The following NUP58 variants were observed in gnomAD, a reference collection of about 807,000 sequenced individuals.
NUP58 encodes the protein nucleoporin 58.
A neutral mutation model predicts 70.1 loss-of-function variants in NUP58; 17 were observed. The observed-to-expected ratio is 0.24, with a 90% CI of 0.17 to 0.36. The LOEUF (loss-of-function observed/expected upper bound fraction) is 0.36, where lower values mean the gene tolerates loss of function less well. Ranked by LOEUF, NUP58 falls within the 10% of genes least tolerant of loss-of-function variation. The probability of loss-of-function intolerance (pLI) is 1.00; values close to 1 mark genes in which losing one functional copy is unlikely to be tolerated. For missense variants in NUP58, 644 were observed against 701.5 expected, an observed-to-expected ratio of 0.92 and a Z score of 0.93; for synonymous variants, 275 against 257.6, an observed-to-expected ratio of 1.07 and a Z score of -0.65.
At chr13:25,321,137 T>C (rs761099559) in intron 9 of NUP58, 44 bp downstream of exon 9, 21 of 1,508,428 alleles carry the variant, frequency 1.4e-5, no homozygotes, top group Non-Finnish European at 1.9e-5. Context: ...TTTTTTGTTT[T>C]GTTTTTTCCA....
chr13:25,317,135 A>G (rs1420736760), intron 6 of NUP58, among the ~76,000 whole-genome samples: 2 of 152,164 alleles, frequency 1.3e-5, no homozygotes, highest in African/African-American at 4.8e-5. Flanking sequence ...GAGTAGCAAT[A>G]AACAGCATTC....
chr13:25,313,179 T>C, intron 4 of NUP58, 147 bp downstream of exon 4: 2 of 890,420 alleles, frequency 2.2e-6, no homozygotes, highest in Non-Finnish European at 3.3e-6. Flanking sequence ...AGAGGCTGTC[T>C]TGATGTCCCT....
At chr13:25,337,358 CTT>C (rs945042233) in intron 14 of NUP58, among the ~76,000 whole-genome samples, 2 of 151,996 alleles carry the variant, frequency 1.3e-5, no homozygotes, top group African/African-American at 4.8e-5. Context: ...AATTAATAGT[CTT>C]AATGTTAGTT....
intron 12 of NUP58, 67 bp downstream of exon 12, chr13:25,327,579 A>G (rs1460244001): frequency 9.9e-7 from 1 of 1,015,034 alleles, no homozygotes. Context: ...TCTGGGGACA[A>G]ATGTGTCCAT....
At chr13:25,332,416 T>A (rs1218675046) in intron 13 of NUP58, 1 of 984,842 alleles carries the variant, frequency 1.0e-6, no homozygotes, top group African/African-American at 1.7e-5. Flanking sequence ...GGAAAAATAG[T>A]CTTAATCGAT....
At chr13:25,336,054 TTAAAG>T in intron 13 of NUP58, 1 of 1,187,016 alleles carries the variant, frequency 8.4e-7, no homozygotes, top group Non-Finnish European at 1.1e-6. Flanking sequence ...GCCAAAATCT[TTAAAG>T]TAACAAGAGG....
chr13:25,314,340 A>G (rs898110239), intron 5 of NUP58, among the ~76,000 whole-genome samples: 5 of 151,376 alleles, frequency 3.3e-5, no homozygotes, highest in Non-Finnish European at 7.3e-5. Context: ...ATCTAGAGAT[A>G]ACATCTCTTC....
At chr13:25,304,285 A>G (rs2030179099) in intron 1 of NUP58, among the ~76,000 whole-genome samples, 1 of 151,954 alleles carries the variant, frequency 6.6e-6, no homozygotes, top group South Asian at 2.1e-4. Flanking sequence ...GGCAGATAAC[A>G]TTGGTTTGAG....
At chr13:25,304,478 T>TTATATATAAATA (rs2030193114) in intron 1 of NUP58, among the ~76,000 whole-genome samples, 1 of 83,410 alleles carries the variant, frequency 1.2e-5, no homozygotes, top group African/African-American at 5.4e-5. Context: ...GTTGTCAAGA[T>TTATATATAAATA]TATATATATA....
intron 1 of NUP58, among the ~76,000 whole-genome samples, chr13:25,306,490 C>T (rs1566055880): frequency 6.6e-6 from 1 of 151,546 alleles, no homozygotes; most frequent in Non-Finnish European, 1.5e-5. Flanking sequence ...AGTAATGGCA[C>T]ACAAGTACCA....
At chr13:25,317,450 C>A (rs567967597) in intron 6 of NUP58, among the ~76,000 whole-genome samples, 17 of 152,062 alleles carry the variant, frequency 1.1e-4, no homozygotes, top group Non-Finnish European at 1.5e-5. Context: ...TAGAGCTCCA[C>A]GTGTATTACT....
chr13:25,331,823 G>A, intron 13 of NUP58: 1 of 1,262,006 alleles, frequency 7.9e-7, no homozygotes, highest in Non-Finnish European at 1.0e-6. Context: ...ATGCCCTTTA[G>A]AACATGGTGT....
intron 3 of NUP58, chr13:25,310,079 G>C (rs1475126182): frequency 2.9e-6 from 1 of 346,228 alleles, no homozygotes; most frequent in Non-Finnish European, 5.8e-6. Context: ...TTCTTCCTCT[G>C]TTGCCCAGGC....
intron 13 of NUP58, 138 bp downstream of exon 13, chr13:25,331,696 G>T: frequency 8.2e-6 from 12 of 1,458,116 alleles, no homozygotes; most frequent in Non-Finnish European, 1.1e-5. Flanking sequence ...AAATTGTGAT[G>T]GACACGATTA....
chr13:25,344,901 G>C (rs545739790), downstream of NUP58, among the ~76,000 whole-genome samples: 1 of 152,226 alleles, frequency 6.6e-6, no homozygotes, highest in African/African-American at 2.4e-5. Context: ...CTGTGAATAA[G>C]GCTGACTTTG....
chr13:25,340,131 A>G lies in NUP58; in HGVS notation c.1797A>G (p.Arg599=). The part of the protein sequence containing the change: ...KPPAGNKRGK[R] ...CAGCTGGAAACAAAAGAGGAAAAAG[A>G]TAAACATGGGTTGATGTGTTGAGAG... The change falls in exon 16 of 16, where the codon AGA becomes AGG. Residue 599 remains arginine, a synonymous_variant. Coordinates refer to ENST00000381736, the MANE Select transcript of NUP58 (RefSeq NM_014089.4). 1 of 1,611,104 alleles carries G rather than the reference A, an allele frequency of 6.2e-7. No homozygotes were observed. The highest frequency in any genetic ancestry group is 8.5e-7 in the Non-Finnish European group (1 of 1,178,878).
intron 13 of NUP58, chr13:25,335,537 A>T (rs969810309): frequency 1.1e-5 from 11 of 984,904 alleles, no homozygotes; most frequent in Non-Finnish European, 1.3e-5. Context: ...GCTGCTAGGC[A>T]GGTATTTTAT....
At chr13:25,319,501 C>A in intron 7 of NUP58, 151 bp downstream of exon 7, 1 of 638,936 alleles carries the variant, frequency 1.6e-6, no homozygotes. Context: ...AAATAATAGA[C>A]GTATGTTCTG....
At chr13:25,302,444 C>A (rs941910781) in intron 1 of NUP58, among the ~76,000 whole-genome samples, 4 of 152,094 alleles carry the variant, frequency 2.6e-5, no homozygotes, top group African/African-American at 9.7e-5. Flanking sequence ...TAATTTTCTG[C>A]AGTATGTGCA....
Sources: gnomAD v4.1 joint callset for allele counts (sites outside exome capture counted in the v4.1 genomes callset) on GRCh38, gnomAD v4.1.1 for gene constraint, MANE v1.5 for transcripts, NCBI Gene and HGNC (gene_info 2026-07-23, HGNC 2026-07-21) for gene names.